KMT2B: variants seen among roughly 807,000 people sequenced by gnomAD.
KMT2B encodes histone-lysine N-methyltransferase 2B.
A neutral mutation model predicts 255.3 loss-of-function variants in KMT2B; 22 were observed. The ratio of observed to expected loss-of-function variants is 0.09; its 90% CI spans 0.06 to 0.12. The LOEUF is 0.12. KMT2B is among the 10% of genes least tolerant of loss of function. KMT2B has a pLI of 1.00. For missense variants in KMT2B, 3,149 were observed against 3,737.0 expected (o/e 0.84, Z 4.10); for synonymous variants, 1,730 against 1,498.1 (o/e 1.15, Z -3.57).
rs1226451581 is a variant in KMT2B at position 35,723,770 on chromosome 19, G to A, written c.3097G>A (p.Asp1033Asn). The part of the protein sequence containing the change: ...IVKTLLPWDS[D>N]ESPEASPGPP... Reference sequence around the variant, plus strand: ...GAAGACGCTGTTGCCCTGGGATTCCGATGAATCTCCTGAGGCCTCCCCTGG... The same window carrying A: ...GAAGACGCTGTTGCCCTGGGATTCCAATGAATCTCCTGAGGCCTCCCCTGG... The change falls in exon 8 of 37, where the codon GAT (aspartate) becomes AAT (asparagine). Residue 1033 changes from aspartate to asparagine, a missense_variant. By Grantham distance (23) the Asp-to-Asn change is conservative. Coordinates refer to ENST00000420124, the MANE Select transcript of KMT2B (RefSeq NM_014727.3). The surrounding 1 kb of genome is among the most constrained non-coding windows in gnomAD (Gnocchi z 7.5). The A allele has an allele frequency of 6.4e-6, 10 of 1,554,468 alleles. No homozygotes were observed. The highest frequency in any genetic ancestry group is 4.7e-5 in the South Asian group (4 of 85,788).
Position 35,738,108 on chromosome 19 carries a change from G to T in KMT2B, c.7789G>T (p.Ala2597Ser). 1 of 1,613,852 alleles carries T rather than the reference G, an allele frequency of 6.2e-7. No homozygotes were observed. Among genetic ancestry groups the T allele is most frequent in the Non-Finnish European group, 8.5e-7 (1 of 1,179,870 alleles). ...CCTGTTCTGTAAGCGCAACATCGAC[G>T]CGGGGGAGATGGTCATCGAGTACTC... ...RGLFCKRNID[A>S]GEMVIEYSGI... The change falls in exon 36 of 37, where the codon GCG becomes TCG. Residue 2597 changes from alanine to serine, a missense_variant. Physicochemically the swap from Ala to Ser is moderately conservative, Grantham distance 99. Transcript: ENST00000420124. The surrounding 1 kb of genome is among the most constrained non-coding windows in gnomAD (Gnocchi z 8.7).
At position 35,728,079 on chromosome 19, in the gene KMT2B, C is replaced by T. The variant is rs368366219; in HGVS notation, c.4498-19C>T. 3.2e-6 allele frequency: 5 copies of T among 1,586,650 alleles called. No individual in the cohort carries two copies. In the African/African-American group the frequency reaches 5.4e-5, roughly 17 times the overall value. ...CCTGGGGAAGCTGGCTCTTCTCATC[C>T]TGTTAACCCACTCCCCAGCTGCTAG... is the stretch of plus-strand genomic sequence containing the variant. On this transcript the variant is annotated intron_variant, in intron 18 of 36. Coordinates refer to ENST00000420124, the MANE Select transcript of KMT2B (RefSeq NM_014727.3).
rs764859385 is a variant in KMT2B at position 35,720,792 on chromosome 19, G to A, written c.1445G>A (p.Arg482Gln). 4.0e-6 allele frequency: 6 copies of A among 1,496,002 alleles called. No homozygotes were observed. Among genetic ancestry groups the A allele is most frequent in the South Asian group, 1.3e-5 (1 of 74,730 alleles). 92.7% of individuals were successfully genotyped at this position (1,496,002 alleles called of 1,614,324 possible). Residue 482 changes from arginine to glutamine, a missense_variant, in exon 3 of 37, where the codon CGG becomes CAG. Physicochemically the swap from Arg to Gln is conservative, Grantham distance 43. This residue lies in a region of KMT2B where 1,188 missense variants were observed against 1,106.4 expected (regional missense o/e 1.07). Coordinates refer to ENST00000420124, the MANE Select transcript of KMT2B (RefSeq NM_014727.3). ...CTGACTCCCAGCCAGCGGGCGGAGC[G>A]GGAAGCTGCTCGGGCAGGGCCAGAG... The part of the protein sequence containing the change: ...PPLTPSQRAE[R>Q]EAARAGPEGT...
intron 26 of KMT2B, among the ~76,000 whole-genome samples, chr19:35,731,188 T>C (rs545857245): frequency 5.6e-4 from 85 of 152,308 alleles, no homozygotes; most frequent in Admixed American, 4.4e-3. Flanking sequence ...GTCGCCATAC[T>C]ACACCTTGAA....
chr19:35,728,111 C>T lies in KMT2B; in HGVS notation c.4511C>T (p.Ala1504Val), dbSNP rs757019411. The T allele has an allele frequency of 1.0e-5, 16 of 1,598,280 alleles. No homozygotes were observed. The Admixed American group carries it at 1.2e-4, about 12-fold the overall frequency. Residue 1504 changes from alanine to valine, a missense_variant, in exon 19 of 37, where the codon GCG becomes GTG. Ala to Val is a moderately conservative substitution (Grantham distance 64). Around this residue, in one of 18 missense-constraint regions of KMT2B, gnomAD observed 377 missense variants for 471.0 expected, o/e 0.80. Transcript: ENST00000420124. ...KGLLLKLLES[A>V]FGWFDAHDPK... Reference sequence around the variant, plus strand: ...CCCACTCCCCAGCTGCTAGAATCTGCGTTCGGCTGGTTCGACGCCCACGAC... The same window carrying T: ...CCCACTCCCCAGCTGCTAGAATCTGTGTTCGGCTGGTTCGACGCCCACGAC...
rs748554617 is a variant in KMT2B, at chr19:35,727,202, T to C, written c.4050T>C (p.Tyr1350=). The change falls in exon 15 of 37, where the codon TAT becomes TAC. Residue 1350 remains tyrosine, a synonymous_variant. Coordinates refer to ENST00000420124, the MANE Select transcript of KMT2B (RefSeq NM_014727.3). This position sits in a 1 kb window ranked among gnomAD's most constrained non-coding sequence, Gnocchi z 4.2. ...CACGCTGCTATGAAGACAACGACTA[T>C]GAGAGCAAGATGATGCAGTGCGCAC... ...ICTRCYEDND[Y]ESKMMQCAQC... is the part of the protein sequence containing the mutation. 2.7e-5 allele frequency: 44 copies of C among 1,613,484 alleles called. No individual in the cohort carries two copies. The highest frequency in any genetic ancestry group is 4.4e-5 in the South Asian group (4 of 91,052).
In KMT2B at chr19:35,737,011, C is replaced by G; in HGVS notation, c.7372+25C>G. 1 of 1,611,742 alleles carries G rather than the reference C, an allele frequency of 6.2e-7. No individual in the cohort carries two copies. Among genetic ancestry groups the G allele is most frequent in the Non-Finnish European group, 8.5e-7 (1 of 1,178,792 alleles). The stretch of plus-strand genomic sequence containing the variant: ...GGTAAGGAGTGGGCCCCACAGGGGG[C>G]AGGGAGCTGGATGTCTCCCCGAGGG... On this transcript the variant is annotated intron_variant, in intron 32 of 36. Coordinates refer to ENST00000420124, the MANE Select transcript of KMT2B (RefSeq NM_014727.3). This position sits in a 1 kb window ranked among gnomAD's most constrained non-coding sequence, Gnocchi z 5.3.
intron 8 of KMT2B, 88 bp downstream of exon 8, chr19:35,724,095 C>T (rs931774005): frequency 1.9e-5 from 25 of 1,288,796 alleles, no homozygotes; most frequent in Non-Finnish European, 2.5e-5. Flanking sequence ...AGACCCAGGG[C>T]TCTGTCAGTC....
rs537641402 is a variant in KMT2B at position 35,729,894 on chromosome 19, G to A, written c.4918-73G>A. 1.8e-5 allele frequency: 26 copies of A among 1,456,078 alleles called. No individual in the cohort carries two copies. In the South Asian group the frequency reaches 3.1e-4, roughly 17 times the overall value. The allele number at this position is 1,456,078 out of a possible 1,614,324, so 90.2% of individuals were successfully genotyped here. ...GCCAGGCTAGACAGGGACCCATGCAGACTCAGTGACAGTGGTGCCTGGCGC... is the reference window on the plus strand; with the variant it reads ...GCCAGGCTAGACAGGGACCCATGCAAACTCAGTGACAGTGGTGCCTGGCGC... On this transcript the variant is annotated intron_variant, in intron 22 of 36. Transcript: ENST00000420124.
Position 35,723,128 on chromosome 19 carries a change from A to C in KMT2B, c.2856A>C (p.Ser952=), listed in dbSNP as rs1471800765. ...CCCTGGCCCACACACCCCGGCGCTCACTGCCCTCCCATCACGGCAAGAAGA... is the reference window on the plus strand; with the variant it reads ...CCCTGGCCCACACACCCCGGCGCTCCCTGCCCTCCCATCACGGCAAGAAGA... ...GGTLAHTPRR[S]LPSHHGKKMR... Residue 952 remains serine (S), a synonymous_variant, in exon 6 of 37, where the codon TCA becomes TCC. Transcript: ENST00000420124. This position sits in a 1 kb window ranked among gnomAD's most constrained non-coding sequence, Gnocchi z 7.5. 6.8e-6 allele frequency: 11 copies of C among 1,613,374 alleles called. No homozygotes were observed. Among genetic ancestry groups the C allele is most frequent in the Non-Finnish European group, 9.3e-6 (11 of 1,179,866 alleles).
rs924429210 is a variant in KMT2B, at chr19:35,718,637, G to T, written c.363+256G>T. Among the ~76,000 whole-genome samples, 8 of 152,158 alleles carry T rather than the reference G, an allele frequency of 5.3e-5. No individual in the cohort carries two copies. Among genetic ancestry groups the T allele is most frequent in the African/African-American group, 7.2e-5 (3 of 41,450 alleles). On this transcript the variant is annotated intron_variant, in intron 1 of 36. Transcript: ENST00000420124. This position sits in a 1 kb window ranked among gnomAD's most constrained non-coding sequence, Gnocchi z 5.0. ...GAAGTGTCTTGGGCCGATCCTTTTC[G>T]GCAGCTGGCAAAGCTAGGGCGGTGG... is the stretch of plus-strand genomic sequence containing the variant.
Position 35,737,941 on chromosome 19 carries a change from A to C in KMT2B, c.7741A>C (p.Arg2581=). 1.2e-6 allele frequency: 2 copies of C among 1,601,034 alleles called. No individual in the cohort carries two copies. Among genetic ancestry groups the C allele is most frequent in the Non-Finnish European group, 1.7e-6 (2 of 1,173,288 alleles). Residue 2581 remains arginine, a splice_region_variant and synonymous_variant, in exon 35 of 37, where the codon AGA becomes CGA. Transcript: ENST00000420124. This position sits in a 1 kb window ranked among gnomAD's most constrained non-coding sequence, Gnocchi z 5.3. The part of the protein sequence containing the change: ...KTSKEAVGVY[R]SAIHGRGLFC... ...GTCCAAAGAAGCTGTGGGTGTCTAC[A>C]GGTGAGTGGGGTTGGGGGGGAGGAT...
rs372355487 is a variant in KMT2B at position 35,730,458 on chromosome 19, C to T, written c.5193C>T (p.Leu1731=). ...TTGAACCCGATGCCATCAACGTGCT[C>T]ATTGGTAAGCTGCCTGCTCTCCGCC... ...TGLEPDAINV[L]IGSIRIDSLG... Residue 1731 remains leucine (L), a synonymous_variant, in exon 24 of 37, where the codon CTC becomes CTT. Transcript: ENST00000420124. 1.5e-5 allele frequency: 25 copies of T among 1,613,754 alleles called. No homozygotes were observed. The highest frequency in any genetic ancestry group is 5.3e-5 in the African/African-American group (4 of 74,924).
Position 35,733,779 on chromosome 19 carries a change from T to C in KMT2B, c.7066T>C (p.Ser2356Pro). The C allele has an allele frequency of 6.2e-7, 1 of 1,613,170 alleles. No homozygotes were observed. Among genetic ancestry groups the C allele is most frequent in the South Asian group, 1.1e-5 (1 of 91,040 alleles). ...EESPGPLQER[S>P]PLLPLPEDGP... ...TTCTCGCAGGCCCCTCCAGGAACGGTCCCCTTTGCTGCCACTTCCGGAAGA... is the reference window on the plus strand; with the variant it reads ...TTCTCGCAGGCCCCTCCAGGAACGGCCCCCTTTGCTGCCACTTCCGGAAGA... Residue 2356 changes from serine (S) to proline (P), a missense_variant, in exon 30 of 37, where the codon TCC becomes CCC. Physicochemically the swap from Ser to Pro is moderately conservative, Grantham distance 74. Around this residue, in one of 18 missense-constraint regions of KMT2B, gnomAD observed 897 missense variants for 825.3 expected, o/e 1.09. Transcript: ENST00000420124. The surrounding 1 kb of genome is among the most constrained non-coding windows in gnomAD (Gnocchi z 4.3).
In KMT2B at chr19:35,720,163, C is replaced by G; in HGVS notation, c.816C>G (p.Pro272=). 2 of 1,602,082 alleles carry G rather than the reference C, an allele frequency of 1.2e-6. No individual in the cohort carries two copies. The highest frequency in any genetic ancestry group is 2.3e-5 in the East Asian group (1 of 44,282). Reference sequence around the variant, plus strand: ...GCAGCTGGAAATGCAAGGAGGGGCCCGGTCCAGGACCTGGGACCCCCAGGC... The same window carrying G: ...GCAGCTGGAAATGCAAGGAGGGGCCGGGTCCAGGACCTGGGACCCCCAGGC... ...QTGSWKCKEG[P]GPGPGTPRRG... Residue 272 remains proline, a synonymous_variant, in exon 3 of 37, where the codon CCC becomes CCG. Coordinates refer to ENST00000420124, the MANE Select transcript of KMT2B (RefSeq NM_014727.3).
chr19:35,736,390 A>G (rs1055723469), intron 30 of KMT2B: 1 of 372,192 alleles, frequency 2.7e-6, no homozygotes, highest in Non-Finnish European at 4.9e-6. Flanking sequence ...GATGTATGGT[A>G]CACTGGGTTT....
rs1969295911 is a variant in KMT2B, at chr19:35,723,356, A to G, written c.3002+82A>G. 1.3e-6 allele frequency: 2 copies of G among 1,555,452 alleles called. No individual in the cohort carries two copies. Among genetic ancestry groups the G allele is most frequent in the South Asian group, 2.4e-5 (2 of 83,906 alleles). Reference sequence around the variant, plus strand: ...CCTCACTCCTCTTCTGCCTGGCCAGAGCAGTGGGGTTGGCATTCTTGTGGA... The same window carrying G: ...CCTCACTCCTCTTCTGCCTGGCCAGGGCAGTGGGGTTGGCATTCTTGTGGA... On this transcript the variant is annotated intron_variant, in intron 6 of 36. Coordinates refer to ENST00000420124, the MANE Select transcript of KMT2B (RefSeq NM_014727.3). The surrounding 1 kb of genome is among the most constrained non-coding windows in gnomAD (Gnocchi z 7.5).
rs761296656 is a variant in KMT2B, at chr19:35,719,987, T to C, written c.640T>C (p.Ser214Pro). The C allele has an allele frequency of 4.4e-5, 71 of 1,612,868 alleles. No individual in the cohort carries two copies. The highest frequency in any genetic ancestry group is 6.8e-6 in the Non-Finnish European group (8 of 1,179,732). ...ACCCCGGAGCCGGGCATGTGAGCCC[T>C]CCACCCCCCGGCGGTCTCGGGGACG... The part of the protein sequence containing the change: ...QAPRSRACEP[S>P]TPRRSRGRPP... Residue 214 changes from serine to proline, a missense_variant, in exon 3 of 37, where the codon TCC becomes CCC. By Grantham distance (74) the Ser-to-Pro change is moderately conservative (BLOSUM62 -1). Around this residue, in one of 18 missense-constraint regions of KMT2B, gnomAD observed 1,188 missense variants for 1,106.4 expected, o/e 1.07. Coordinates refer to ENST00000420124, the MANE Select transcript of KMT2B (RefSeq NM_014727.3).
chr19:35,730,914 C>A, intron 26 of KMT2B, 47 bp downstream of exon 26: 1 of 1,520,350 alleles, frequency 6.6e-7, no homozygotes, highest in Admixed American at 2.1e-5. Flanking sequence ...TCTCCCTAAA[C>A]AAACCTACAG....
Sources: allele counts gnomAD v4.1 joint callset (sites outside exome capture counted in the v4.1 genomes callset), GRCh38; gene constraint gnomAD v4.1.1; regional missense constraint gnomAD v4.1.1; non-coding constraint Gnocchi (gnomAD v3.1); transcripts MANE v1.5; gene names NCBI Gene and HGNC (gene_info 2026-07-23, HGNC 2026-07-21).